Variants in PDE3A observed in about 807,000 individuals in gnomAD.
The protein encoded by PDE3A is cGMP-inhibited 3',5'-cyclic phosphodiesterase 3A.
In PDE3A, 43 loss-of-function variants were observed where a neutral mutation model predicts 98.3. The observed-to-expected ratio is 0.44, with a 90% CI of 0.34 to 0.56. PDE3A has a LOEUF of 0.56. Among genes scored for constraint, PDE3A ranks in the 20% least tolerant of loss-of-function variants. The pLI is 0.01. For missense variants in PDE3A, 1,427 were observed against 1,440.7 expected, an observed-to-expected ratio of 0.99 and a Z score of 0.15; for synonymous variants, 663 against 567.9, an observed-to-expected ratio of 1.17 and a Z score of -2.38.
intron 1 of PDE3A, among the ~76,000 whole-genome samples, chr12:20,549,992 T>C (rs770307622): frequency 6.6e-6 from 1 of 152,168 alleles, no homozygotes; most frequent in Non-Finnish European, 1.5e-5. Flanking sequence ...ACATTTTGAG[T>C]GTTTTTGTTC....
intron 15 of PDE3A, among the ~76,000 whole-genome samples, chr12:20,676,582 C>T (rs1287035692): frequency 6.8e-6 from 1 of 147,936 alleles, no homozygotes; most frequent in African/African-American, 2.5e-5. Flanking sequence ...TCACTGCAAG[C>T]TCCGCCTCCT....
Position 20,629,945 on chromosome 12 carries a change from C to T in PDE3A, c.1578C>T (p.Cys526=). 3 of 1,614,004 alleles carry T rather than the reference C, an allele frequency of 1.9e-6. No homozygotes were observed. Among genetic ancestry groups the T allele is most frequent in the Non-Finnish European group, 2.5e-6 (3 of 1,179,922 alleles). Residue 526 remains cysteine (C), a synonymous_variant, in exon 6 of 16, where the codon TGC becomes TGT. Coordinates refer to ENST00000359062, the MANE Select transcript of PDE3A (RefSeq NM_000921.5). ...AAATTTCACCTCTTTCATCGCCCTGCTCCTCACCTCTCCAAGGGACTCCTG... is the reference window on the plus strand; with the variant it reads ...AAATTTCACCTCTTTCATCGCCCTGTTCCTCACCTCTCCAAGGGACTCCTG... The part of the protein sequence containing the change: ...LAKISPLSSP[C]SSPLQGTPAS...
Position 20,635,042 on chromosome 12 carries a change from A to G in PDE3A, c.1987A>G (p.Thr663Ala). 6.2e-7 allele frequency: 1 copy of G among 1,612,332 alleles called. No individual in the cohort carries two copies. The highest frequency in any genetic ancestry group is 8.5e-7 in the Non-Finnish European group (1 of 1,179,422). The stretch of plus-strand genomic sequence containing the variant: ...GGCTTGCAGCACCTATGCTCCTGAG[A>G]CCATGATGTTTCTGGTAGTCCCATA... ...ASACSTYAPETMMFLDKPILA... is the reference protein window; with the variant it reads ...ASACSTYAPEAMMFLDKPILA... The change falls in exon 8 of 16, where the codon ACC becomes GCC. Residue 663 changes from threonine (T) to alanine (A), a missense_variant. Around this residue, in one of 3 missense-constraint regions of PDE3A, gnomAD observed 1,012 missense variants for 886.5 expected, o/e 1.14. Transcript: ENST00000359062.
At chr12:20,487,089 G>C (rs958846522) in intron 1 of PDE3A, among the ~76,000 whole-genome samples, 1 of 152,040 alleles carries the variant, frequency 6.6e-6, no homozygotes, top group African/African-American at 2.4e-5. Context: ...AAAAAATAAA[G>C]AGAAGTATGT....
At chr12:20,578,688 G>A (rs1256977189) in intron 2 of PDE3A, among the ~76,000 whole-genome samples, 2 of 152,052 alleles carry the variant, frequency 1.3e-5, no homozygotes, top group Non-Finnish European at 2.9e-5. Context: ...ATTATTATTA[G>A]ATCTGGTTCT....
intron 1 of PDE3A, among the ~76,000 whole-genome samples, chr12:20,482,051 A>G (rs1198633410): frequency 6.6e-6 from 1 of 152,144 alleles, no homozygotes; most frequent in Non-Finnish European, 1.5e-5. Context: ...GGCGTGAGCC[A>G]CCACGCTCAG....
chr12:20,490,742 G>A (rs1313152680), intron 1 of PDE3A, among the ~76,000 whole-genome samples: 1 of 152,098 alleles, frequency 6.6e-6, no homozygotes, highest in African/African-American at 2.4e-5. Context: ...TCTTTCTGTT[G>A]GTTCTCGTCC....
chr12:20,427,413 C>T (rs1011718212), intron 1 of PDE3A, among the ~76,000 whole-genome samples: 2 of 152,132 alleles, frequency 1.3e-5, no homozygotes, highest in African/African-American at 4.8e-5. Flanking sequence ...ATAGTATGAC[C>T]TTGGAAACTG....
At chr12:20,574,030 G>A (rs951773355) in intron 2 of PDE3A, among the ~76,000 whole-genome samples, 10 of 152,098 alleles carry the variant, frequency 6.6e-5, no homozygotes, top group Non-Finnish European at 1.5e-4. Context: ...TCCAGTACAT[G>A]AAGAAATTCC....
intron 1 of PDE3A, among the ~76,000 whole-genome samples, chr12:20,458,465 A>G (rs935102832): frequency 1.3e-5 from 2 of 152,112 alleles, no homozygotes; most frequent in Non-Finnish European, 2.9e-5. Context: ...CATTTTAGAA[A>G]TAGCATCTGA....
chr12:20,653,190 A>T (rs1565464150), intron 14 of PDE3A, among the ~76,000 whole-genome samples: 1 of 152,214 alleles, frequency 6.6e-6, no homozygotes. Flanking sequence ...TTAAACATAT[A>T]GATAAATAAG....
intron 1 of PDE3A, among the ~76,000 whole-genome samples, chr12:20,526,264 A>T (rs545693188): frequency 9.2e-5 from 14 of 152,228 alleles, no homozygotes; most frequent in African/African-American, 3.4e-4. Context: ...TTTCAAGTTG[A>T]CTTCTAGTCA....
Position 20,590,896 on chromosome 12 carries a change from G to A in PDE3A, c.1012-22547G>A, listed in dbSNP as rs540649133. The stretch of plus-strand genomic sequence containing the variant: ...CATGTTTCTCCAAGAATAAACCTTA[G>A]GAAAGCTGTAATGATAATAGCATTG... On this transcript the variant is annotated intron_variant, in intron 2 of 15. Transcript: ENST00000359062. 2.6e-5 allele frequency among the ~76,000 whole-genome samples: 4 copies of A among 152,294 alleles called. No individual in the cohort carries two copies. In the South Asian group the frequency reaches 6.2e-4, roughly 24 times the overall value.
chr12:20,489,741 C>G (rs1945797563), intron 1 of PDE3A, among the ~76,000 whole-genome samples: 1 of 152,108 alleles, frequency 6.6e-6, no homozygotes, highest in African/African-American at 2.4e-5. Flanking sequence ...ATAATGTTCA[C>G]TGATTTAGAT....
chr12:20,396,933 C>A (rs1378907727), intron 1 of PDE3A, among the ~76,000 whole-genome samples: 1 of 151,976 alleles, frequency 6.6e-6, no homozygotes, highest in Admixed American at 6.6e-5. Flanking sequence ...TTAGTCAAAT[C>A]CCTGCTCTGC....
chr12:20,651,620 G>T (rs1199598875), intron 14 of PDE3A, among the ~76,000 whole-genome samples: 1 of 152,072 alleles, frequency 6.6e-6, no homozygotes, highest in Non-Finnish European at 1.5e-5. Context: ...ATGTCAGAAA[G>T]AAATTTATAT....
intron 1 of PDE3A, among the ~76,000 whole-genome samples, chr12:20,510,751 G>A (rs572441283): frequency 6.6e-6 from 1 of 151,936 alleles, no homozygotes; most frequent in African/African-American, 2.4e-5. Context: ...TAGGTAGGAG[G>A]GCCTGAAGTT....
chr12:20,645,272 C>A (rs1217024242), intron 10 of PDE3A, among the ~76,000 whole-genome samples: 1 of 152,040 alleles, frequency 6.6e-6, no homozygotes, highest in Non-Finnish European at 1.5e-5. Context: ...AGGGTGTTTA[C>A]CTAAGATTTA....
chr12:20,541,733 A>G (rs777932045), intron 1 of PDE3A, among the ~76,000 whole-genome samples: 1 of 152,022 alleles, frequency 6.6e-6, no homozygotes, highest in Non-Finnish European at 1.5e-5. Context: ...TTTTTTCTGC[A>G]AAAAAAGCAT....
Sources: allele counts gnomAD v4.1 joint callset (sites outside exome capture counted in the v4.1 genomes callset), GRCh38; gene constraint gnomAD v4.1.1; regional missense constraint gnomAD v4.1.1; transcripts MANE v1.5; gene names NCBI Gene and HGNC (gene_info 2026-07-23, HGNC 2026-07-21).